Variants in KIDINS220 observed in about 807,000 individuals in gnomAD.
KIDINS220 encodes kinase D-interacting substrate of 220 kDa.
In KIDINS220, 63 loss-of-function variants were observed where a neutral mutation model predicts 157.6. That is an observed-to-expected ratio of 0.40 (90% confidence interval 0.33 to 0.49). The LOEUF is 0.49. KIDINS220 is among the 20% of genes least tolerant of loss of function. The pLI is 0.66. For missense variants in KIDINS220, 1,772 were observed against 2,171.2 expected, an observed-to-expected ratio of 0.82 and a Z score of 3.65; for synonymous variants, 732 against 783.6, an observed-to-expected ratio of 0.93 and a Z score of 1.10.
intron 25 of KIDINS220, 74 bp from the exon 26 acceptor site, chr2:8,747,275 G>A: frequency 7.8e-7 from 1 of 1,275,624 alleles, no homozygotes; most frequent in South Asian, 1.2e-5. Flanking sequence ...AAATGAACAT[G>A]ATGGTAAAAT....
intron 27 of KIDINS220, among the ~76,000 whole-genome samples, chr2:8,735,610 C>T (rs1664755027): frequency 1.3e-5 from 2 of 152,120 alleles, no homozygotes; most frequent in Admixed American, 1.3e-4. Context: ...AATGAAACAA[C>T]AGCATTTTCT....
chr2:8,743,351 A>T (rs1665889700), intron 26 of KIDINS220, among the ~76,000 whole-genome samples: 1 of 152,188 alleles, frequency 6.6e-6, no homozygotes, highest in Non-Finnish European at 1.5e-5. Flanking sequence ...TTAACCAAAA[A>T]CAGTTTGAGT....
At chr2:8,742,945 G>C (rs930075649) in intron 26 of KIDINS220, among the ~76,000 whole-genome samples, 10 of 152,112 alleles carry the variant, frequency 6.6e-5, no homozygotes, top group African/African-American at 1.9e-4. Flanking sequence ...TTACCACCAG[G>C]AGCAGCATAC....
intron 2 of KIDINS220, among the ~76,000 whole-genome samples, chr2:8,820,407 G>A (rs537033522): frequency 5.3e-5 from 8 of 152,288 alleles, no homozygotes; most frequent in South Asian, 2.1e-4. Flanking sequence ...CTGAGTAAAC[G>A]AGTGAGCAAA....
intron 26 of KIDINS220, among the ~76,000 whole-genome samples, chr2:8,741,176 T>C (rs1572446039): frequency 1.3e-5 from 2 of 152,198 alleles, no homozygotes; most frequent in African/African-American, 2.4e-5. Context: ...ATTCACCTGA[T>C]TGGAAAATAT....
At position 8,802,922 on chromosome 2, in the gene KIDINS220, T is replaced by C. The variant is rs538773838; in HGVS notation, c.801+8A>G. ...CACTAGGAGACAAATGTGAAATAGA[T>C]GACCTACCCTGTCAGGTATGTTCAC... On this transcript the variant is annotated splice_region_variant and intron_variant, in intron 8 of 29. Coordinates refer to ENST00000256707, the MANE Select transcript of KIDINS220 (RefSeq NM_020738.4). 30 of 1,611,810 alleles carry C rather than the reference T, an allele frequency of 1.9e-5. 1 individual carries two copies. In the South Asian group the frequency reaches 2.8e-4, roughly 15 times the overall value.
chr2:8,755,923 C>A (rs1051772354), intron 22 of KIDINS220, among the ~76,000 whole-genome samples: 2 of 152,194 alleles, frequency 1.3e-5, no homozygotes, highest in Admixed American at 1.3e-4. Flanking sequence ...AGTCCTCCAA[C>A]TTTGTTCTTC....
chr2:8,731,013 T>C lies in KIDINS220; in HGVS notation c.5023A>G (p.Asn1675Asp). The stretch of plus-strand genomic sequence containing the variant: ...ACGGTGCTGGGAGTTCGGTTCAGGT[T>C]GTAGGCTTTCTGGCATGCAGGCCAG... ...ENWPACQKAY[N>D]LNRTPSTVTL... The change falls in exon 30 of 30, where the codon AAC (asparagine) becomes GAC (aspartate). Residue 1675 changes from asparagine to aspartate, a missense_variant. Coordinates refer to ENST00000256707, the MANE Select transcript of KIDINS220 (RefSeq NM_020738.4). The surrounding 1 kb of genome is among the most constrained non-coding windows in gnomAD (Gnocchi z 5.2). 6.2e-7 allele frequency: 1 copy of C among 1,614,202 alleles called. No individual in the cohort carries two copies. The highest frequency in any genetic ancestry group is 8.5e-7 in the Non-Finnish European group (1 of 1,180,038).
intron 4 of KIDINS220, 25 bp from the exon 5 acceptor site, chr2:8,813,360 G>T: frequency 6.7e-7 from 1 of 1,485,678 alleles, no homozygotes; most frequent in Non-Finnish European, 9.2e-7. Context: ...TAGGGGTAAG[G>T]GAATCAAACT....
intron 4 of KIDINS220, among the ~76,000 whole-genome samples, chr2:8,816,406 T>C (rs1323411480): frequency 6.6e-6 from 1 of 152,176 alleles, no homozygotes; most frequent in Admixed American, 6.5e-5. Context: ...CAACTATACA[T>C]TGAGAATAAA....
At chr2:8,764,549 C>T (rs1669200058) in intron 22 of KIDINS220, among the ~76,000 whole-genome samples, 2 of 152,194 alleles carry the variant, frequency 1.3e-5, no homozygotes, top group South Asian at 4.1e-4. Flanking sequence ...TGACATAAGG[C>T]AGAAGCCGCC....
At chr2:8,736,412 A>T (rs1394004879) in intron 27 of KIDINS220, among the ~76,000 whole-genome samples, 1 of 152,250 alleles carries the variant, frequency 6.6e-6, no homozygotes, top group Non-Finnish European at 1.5e-5. Flanking sequence ...CATGATCCTA[A>T]GTCCTACATG....
At chr2:8,762,758 G>A (rs10204194) in intron 22 of KIDINS220, among the ~76,000 whole-genome samples, 143,981 of 152,176 alleles carry the variant, frequency 0.95, 68,314 homozygotes, top group Middle Eastern at 0.99. Flanking sequence ...CAAAAAAGAA[G>A]AAAAGAAAAG....
intron 22 of KIDINS220, among the ~76,000 whole-genome samples, chr2:8,762,912 C>T (rs539163617): frequency 6.6e-6 from 1 of 152,180 alleles, no homozygotes; most frequent in East Asian, 1.9e-4. Context: ...CACACAAAAC[C>T]TAGCACAGTT....
Position 8,733,672 on chromosome 2 carries a change from T to C in KIDINS220, c.3825A>G (p.Glu1275=). 6.4e-7 allele frequency: 1 copy of C among 1,559,402 alleles called. No individual in the cohort carries two copies. The highest frequency in any genetic ancestry group is 8.7e-7 in the Non-Finnish European group (1 of 1,148,632). ...CCACGTGGCTTTCTGCGTTTCTCAT[T>C]TCTAGTACCTTAACAGAAGAAAAAC... The part of the protein sequence containing the change: ...DWHLFRSTVL[E]MRNAESHVVP... Residue 1275 remains glutamate (E), a synonymous_variant, in exon 29 of 30, where the codon GAA becomes GAG. Coordinates refer to ENST00000256707, the MANE Select transcript of KIDINS220 (RefSeq NM_020738.4).
intron 17 of KIDINS220, among the ~76,000 whole-genome samples, chr2:8,781,153 A>ATATATATAATAT (rs70946383): frequency 0.056 from 7,352 of 130,334 alleles, 715 homozygotes; most frequent in African/African-American, 0.19. Flanking sequence ...ATATATATAT[A>ATATATATAATAT]ATATATATAT....
rs539667153 is a variant in KIDINS220 at position 8,768,631 on chromosome 2, T to C, written c.3011+2039A>G. The stretch of plus-strand genomic sequence containing the variant: ...TAAAAATACTATTTTCTGATTGTTT[T>C]TACCAAATCATATTTCTTTAGTACA... On this transcript the variant is annotated intron_variant, in intron 22 of 29. Coordinates refer to ENST00000256707, the MANE Select transcript of KIDINS220 (RefSeq NM_020738.4). Among the ~76,000 whole-genome samples, 19 of 152,326 alleles carry C rather than the reference T, an allele frequency of 1.2e-4. No individual in the cohort carries two copies. The South Asian group carries it at 3.9e-3, about 32-fold the overall frequency.
At chr2:8,753,944 T>C (rs1481864172) in intron 22 of KIDINS220, among the ~76,000 whole-genome samples, 1 of 152,196 alleles carries the variant, frequency 6.6e-6, no homozygotes, top group Non-Finnish European at 1.5e-5. Context: ...AAAAGCCCTC[T>C]GAGATGGGGT....
At position 8,747,982 on chromosome 2, in the gene KIDINS220, G is replaced by C. The variant is rs372306517; in HGVS notation, c.3433C>G (p.Leu1145Val). Residue 1145 changes from leucine (L) to valine (V), a missense_variant, in exon 25 of 30, where the codon CTT becomes GTT. Transcript: ENST00000256707. ...CCAGGGTAATACCTTGGCGTGTAAA[G>C]GTATGGGGCAAAGAATGGCTATGGA... ...FYNRPFFAPY[L>V]YTPRYYPGGS... The C allele has an allele frequency of 3.2e-6, 5 of 1,571,670 alleles. No individual in the cohort carries two copies. Among genetic ancestry groups the C allele is most frequent in the Non-Finnish European group, 3.4e-6 (4 of 1,162,684 alleles).
Sources: allele counts gnomAD v4.1 joint callset (sites outside exome capture counted in the v4.1 genomes callset), GRCh38; gene constraint gnomAD v4.1.1; non-coding constraint Gnocchi (gnomAD v3.1); transcripts MANE v1.5; gene names NCBI Gene and HGNC (gene_info 2026-07-23, HGNC 2026-07-21).